Variants in STAB2 observed in about 807,000 individuals in gnomAD.
STAB2 encodes stabilin 2.
STAB2 carries 288 observed loss-of-function variants against 338.1 expected under a neutral mutation model. The observed-to-expected ratio is 0.85, with a 90% confidence interval of 0.77 to 0.94. The LOEUF is 0.94. Among genes scored for constraint, STAB2 ranks in the 40% least tolerant of loss-of-function variants. STAB2 has a pLI of 0.00. For synonymous variants in STAB2, 1,202 were observed against 1,193.3 expected, an observed-to-expected ratio of 1.01 and a Z score of -0.15; for missense variants, 3,141 against 3,210.1, an observed-to-expected ratio of 0.98 and a Z score of 0.52.
chr12:103,601,498 A>C (rs1397574262), intron 3 of STAB2, among the ~76,000 whole-genome samples: 1 of 152,240 alleles, frequency 6.6e-6, no homozygotes, highest in Non-Finnish European at 1.5e-5. Context: ...AGGCTGAGGC[A>C]CAAGAATTGC....
chr12:103,744,682 C>A (rs1028197853), intron 56 of STAB2, among the ~76,000 whole-genome samples: 1 of 149,798 alleles, frequency 6.7e-6, no homozygotes, highest in African/African-American at 2.5e-5. Flanking sequence ...CACCATGTTG[C>A]CCAGGCTGGT....
At position 103,746,636 on chromosome 12, in the gene STAB2, C is replaced by G. The variant is rs540626088; in HGVS notation, c.6176C>G (p.Ala2059Gly). The G allele has an allele frequency of 6.2e-7, 1 of 1,614,104 alleles. No homozygotes were observed. The highest frequency in any genetic ancestry group is 2.2e-5 in the East Asian group (1 of 44,882). ...TGTACGCCTCCTTGTTCTGCTCATG[C>G]CACCTGTAAGGAGAACAACACGTGT... is the stretch of plus-strand genomic sequence containing the variant. Reference protein sequence around the residue: ...AVCTPPCSAHATCKENNTCEC... With the variant: ...AVCTPPCSAHGTCKENNTCEC... Residue 2059 changes from alanine (A) to glycine (G), a missense_variant, in exon 58 of 69, where the codon GCC becomes GGC. Ala to Gly is a moderately conservative substitution (Grantham distance 60, BLOSUM62 0). Coordinates refer to ENST00000388887, the MANE Select transcript of STAB2 (RefSeq NM_017564.10).
In STAB2 at chr12:103,670,797, G is replaced by T. The variant is rs145220244; in HGVS notation, c.2361G>T (p.Arg787=). 7 of 1,613,634 alleles carry T rather than the reference G, an allele frequency of 4.3e-6. No homozygotes were observed. Among genetic ancestry groups the T allele is most frequent in the Non-Finnish European group, 5.9e-6 (7 of 1,179,866 alleles). ...CTGATCCCAATAAATACGGACCTCG[G>T]TGTAACAAAAGTAAGTGGCACTTCC... ...FCSDPNKYGP[R]CNKKCLCVHG... Residue 787 remains arginine (R), a synonymous_variant, in exon 22 of 69, where the codon CGG becomes CGT. Coordinates refer to ENST00000388887, the MANE Select transcript of STAB2 (RefSeq NM_017564.10).
At chr12:103,708,887 G>T (rs1468327013) in intron 39 of STAB2, among the ~76,000 whole-genome samples, 1 of 152,050 alleles carries the variant, frequency 6.6e-6, no homozygotes, top group Non-Finnish European at 1.5e-5. Flanking sequence ...GATTAAAATA[G>T]AAAAATATTA....
chr12:103,609,384 C>G (rs548378959), intron 3 of STAB2, among the ~76,000 whole-genome samples: 29 of 152,242 alleles, frequency 1.9e-4, no homozygotes, highest in African/African-American at 6.7e-4. Flanking sequence ...TTGTAGTTCT[C>G]CTTGAAGAGG....
At chr12:103,663,302 A>G (rs1874783308) in intron 18 of STAB2, among the ~76,000 whole-genome samples, 1 of 152,212 alleles carries the variant, frequency 6.6e-6, no homozygotes, top group African/African-American at 2.4e-5. Flanking sequence ...TTATTCTCTC[A>G]CAATTCTGGA....
At chr12:103,751,820 T>C (rs1394825057) in intron 60 of STAB2, among the ~76,000 whole-genome samples, 3 of 152,230 alleles carry the variant, frequency 2.0e-5, no homozygotes, top group African/African-American at 4.8e-5. Context: ...TGTTTTCTTA[T>C]GAATGCCAAG....
At chr12:103,672,228 G>A (rs1875869339) in intron 22 of STAB2, among the ~76,000 whole-genome samples, 1 of 152,192 alleles carries the variant, frequency 6.6e-6, no homozygotes, top group Non-Finnish European at 1.5e-5. Context: ...GGATGGGAAA[G>A]CAGAGCACAT....
intron 3 of STAB2, among the ~76,000 whole-genome samples, chr12:103,596,156 A>AT (rs1030433288): frequency 6.6e-5 from 10 of 152,322 alleles, no homozygotes; most frequent in African/African-American, 1.9e-4. Context: ...TTTTAAGAAC[A>AT]TTTTTTGTGC....
intron 51 of STAB2, among the ~76,000 whole-genome samples, chr12:103,733,484 C>T (rs149145040): frequency 6.6e-6 from 1 of 152,270 alleles, no homozygotes; most frequent in Non-Finnish European, 1.5e-5. Flanking sequence ...CCTAGTTCTC[C>T]TGGCAAAATG....
intron 10 of STAB2, among the ~76,000 whole-genome samples, chr12:103,649,755 G>C (rs564432517): frequency 1.3e-5 from 2 of 152,220 alleles, no homozygotes; most frequent in East Asian, 3.9e-4. Context: ...CATCCCTTGG[G>C]CTCAGGGGCA....
chr12:103,751,616 T>C (rs79275061), intron 60 of STAB2, among the ~76,000 whole-genome samples: 4,825 of 152,198 alleles, frequency 0.032, 140 homozygotes, highest in South Asian at 0.14. Flanking sequence ...AGCATGGGGA[T>C]AAAAATGCAC....
chr12:103,677,318 T>C, intron 24 of STAB2, 135 bp from the exon 25 acceptor site: 1 of 1,254,974 alleles, frequency 8.0e-7, no homozygotes, highest in Non-Finnish European at 1.1e-6. Flanking sequence ...AATCTCAATG[T>C]AAATTAAGCA....
chr12:103,602,718 G>A (rs1197552925), intron 3 of STAB2, among the ~76,000 whole-genome samples: 8 of 151,970 alleles, frequency 5.3e-5, no homozygotes, highest in Non-Finnish European at 7.4e-5. Context: ...TTTTTCATGC[G>A]CTTATTTGCT....
chr12:103,684,580 A>G (rs1877224543), intron 26 of STAB2, among the ~76,000 whole-genome samples: 2 of 152,248 alleles, frequency 1.3e-5, no homozygotes. Flanking sequence ...TGGAAGAACC[A>G]ACATATGATT....
chr12:103,713,664 G>A lies in STAB2; in HGVS notation c.4433G>A (p.Ser1478Asn). 1 of 1,614,022 alleles carries A rather than the reference G, an allele frequency of 6.2e-7. No individual in the cohort carries two copies. Residue 1478 changes from serine (S) to asparagine (N), a missense_variant, in exon 42 of 69, where the codon AGC becomes AAC. Transcript: ENST00000388887. The stretch of plus-strand genomic sequence containing the variant: ...ATAGCAATCAATGCCTGTGAGATCA[G>A]CAATGGAGGTTGCTCTGCCAAGGCT... ...ICTAINACEISNGGCSAKADC... is the reference protein window; with the variant it reads ...ICTAINACEINNGGCSAKADC...
chr12:103,648,920 G>A, intron 10 of STAB2, 97 bp downstream of exon 10: 1 of 1,513,068 alleles, frequency 6.6e-7, no homozygotes, highest in African/African-American at 1.4e-5. Flanking sequence ...GGCGAGCCTT[G>A]TCTATTAGAA....
At chr12:103,735,425 C>A in intron 51 of STAB2, 66 bp from the exon 52 acceptor site, 4 of 1,218,306 alleles carry the variant, frequency 3.3e-6, no homozygotes, top group Non-Finnish European at 4.5e-6. Flanking sequence ...TTTGGTAAAG[C>A]TCCTTCGGGC....
intron 53 of STAB2, 41 bp from the exon 54 acceptor site, chr12:103,739,371 G>T: frequency 6.5e-7 from 1 of 1,532,560 alleles, no homozygotes; most frequent in South Asian, 1.3e-5. Context: ...TGTGTTTTCT[G>T]ATATTCTTGG....
Sources: allele counts gnomAD v4.1 joint callset (sites outside exome capture counted in the v4.1 genomes callset), GRCh38; gene constraint gnomAD v4.1.1; transcripts MANE v1.5; gene names NCBI Gene and HGNC (gene_info 2026-07-23, HGNC 2026-07-21).